The following KCNN3 variants were observed in gnomAD, a reference collection of about 807,000 sequenced individuals.
KCNN3 encodes small conductance calcium-activated potassium channel protein 3.
In KCNN3, 16 loss-of-function variants were observed where a neutral mutation model predicts 62.9. The observed-to-expected ratio is 0.25, with a 90% CI of 0.17 to 0.39. KCNN3 has a LOEUF of 0.39. Ranked by LOEUF, KCNN3 falls within the 10% of genes least tolerant of loss-of-function variation. The pLI, the probability that KCNN3 is intolerant of heterozygous loss-of-function variation, is 1.00. For missense variants in KCNN3, 599 were observed against 949.4 expected (o/e 0.63, Z 4.85); for synonymous variants, 370 against 389.2 (o/e 0.95, Z 0.58).
chr1:154,845,761 C>T (rs890183878), intron 1 of KCNN3, among the ~76,000 whole-genome samples: 2 of 152,172 alleles, frequency 1.3e-5, no homozygotes, highest in East Asian at 1.9e-4. Context: ...TGTACACATG[C>T]GGAGCCTCCT....
intron 4 of KCNN3, among the ~76,000 whole-genome samples, chr1:154,730,956 G>A (rs899086617): frequency 3.9e-5 from 6 of 152,176 alleles, no homozygotes; most frequent in Admixed American, 3.3e-4. Context: ...GCTCAGCTGT[G>A]CCAGAGTAGA....
intron 1 of KCNN3, among the ~76,000 whole-genome samples, chr1:154,835,682 G>A (rs371660522): frequency 1.1e-4 from 16 of 152,220 alleles, no homozygotes; most frequent in Admixed American, 9.8e-4. Context: ...AGAGGAGGCT[G>A]TAACCATGGA....
At chr1:154,716,744 T>A (rs191357415) in intron 5 of KCNN3, among the ~76,000 whole-genome samples, 1 of 152,210 alleles carries the variant, frequency 6.6e-6, no homozygotes, top group African/African-American at 2.4e-5. Flanking sequence ...AGGAAGCAGG[T>A]TGTGGTGGAA....
At chr1:154,717,946 G>C (rs1002764790) in intron 5 of KCNN3, among the ~76,000 whole-genome samples, 7 of 152,154 alleles carry the variant, frequency 4.6e-5, no homozygotes, top group African/African-American at 1.7e-4. Context: ...GGGGTCGGGA[G>C]CACATGAGGT....
chr1:154,741,848 A>G (rs1422260305), intron 3 of KCNN3, among the ~76,000 whole-genome samples: 2 of 152,248 alleles, frequency 1.3e-5, no homozygotes, highest in Non-Finnish European at 2.9e-5. Flanking sequence ...AAAGCAGCCA[A>G]ATGGACTGCT....
At chr1:154,752,856 A>G (rs1647452028) in intron 3 of KCNN3, among the ~76,000 whole-genome samples, 1 of 152,148 alleles carries the variant, frequency 6.6e-6, no homozygotes, top group South Asian at 2.1e-4. Flanking sequence ...CATTCCTATG[A>G]GGACACTGCA....
chr1:154,853,274 C>A (rs1005470970), intron 1 of KCNN3, among the ~76,000 whole-genome samples: 7 of 152,154 alleles, frequency 4.6e-5, no homozygotes, highest in African/African-American at 1.7e-4. Context: ...TAGGCGTGAG[C>A]TACCATGCCT....
At chr1:154,734,907 G>A (rs1700678510) in intron 3 of KCNN3, among the ~76,000 whole-genome samples, 1 of 152,176 alleles carries the variant, frequency 6.6e-6, no homozygotes, top group South Asian at 2.1e-4. Context: ...ACATCAGAGA[G>A]GCAAAAGCGA....
intron 1 of KCNN3, among the ~76,000 whole-genome samples, chr1:154,865,399 C>T (rs1015361550): frequency 6.6e-6 from 1 of 152,052 alleles, no homozygotes; most frequent in Non-Finnish European, 1.5e-5. Context: ...TCACCTGGTA[C>T]CTTTAGGAGC....
At chr1:154,865,416 G>A (rs1395943240) in intron 1 of KCNN3, among the ~76,000 whole-genome samples, 2 of 151,996 alleles carry the variant, frequency 1.3e-5, no homozygotes, top group East Asian at 3.9e-4. Context: ...GAGCCCACTG[G>A]GGCCATCTCA....
chr1:154,838,569 C>T (rs1408469485), intron 1 of KCNN3, among the ~76,000 whole-genome samples: 1 of 152,178 alleles, frequency 6.6e-6, no homozygotes, highest in African/African-American at 2.4e-5. Context: ...TCAACCTTTC[C>T]ATGTGCTTGC....
chr1:154,817,914 A>G (rs1000888428), intron 2 of KCNN3, among the ~76,000 whole-genome samples: 1 of 152,160 alleles, frequency 6.6e-6, no homozygotes, highest in Non-Finnish European at 1.5e-5. Flanking sequence ...GGGGAGCAAG[A>G]GGAGTTCAGT....
At chr1:154,806,249 G>C (rs1362979653) in intron 2 of KCNN3, among the ~76,000 whole-genome samples, 1 of 152,176 alleles carries the variant, frequency 6.6e-6, no homozygotes, top group Non-Finnish European at 1.5e-5. Flanking sequence ...CAAGGTGTTG[G>C]GTACCCCACC....
intron 2 of KCNN3, among the ~76,000 whole-genome samples, chr1:154,819,155 T>C (rs1650788910): frequency 1.3e-5 from 2 of 152,192 alleles, no homozygotes; most frequent in Admixed American, 6.5e-5. Flanking sequence ...CCCCTCTGCA[T>C]AACTTCATCA....
In KCNN3 at chr1:154,700,471, T is replaced by G. The variant is rs1284579981; in HGVS notation, c.*7505A>C. On this transcript the variant is annotated 3_prime_UTR_variant, in exon 8 of 8. Transcript: ENST00000271915. ...GGGAAAGGTCAGAATATATTTGCTC[T>G]TTATAAATGTAAGTCTTGGTCTGAG... 1 of 152,234 alleles carries G rather than the reference T, an allele frequency of 6.6e-6. No individual in the cohort carries two copies. The highest frequency in any genetic ancestry group is 1.5e-5 in the Non-Finnish European group (1 of 68,034). The allele number at this position is 152,234 out of a possible 1,614,324, so 9.4% of individuals were successfully genotyped here. A position where few individuals can be genotyped will look rare whatever the true frequency, so the allele number is the denominator to read the frequency against.
intron 2 of KCNN3, among the ~76,000 whole-genome samples, chr1:154,778,289 T>C (rs1395121665): frequency 6.6e-6 from 1 of 152,230 alleles, no homozygotes; most frequent in African/African-American, 2.4e-5. Flanking sequence ...CTCAGTTCAA[T>C]ATAATAATTA....
At chr1:154,841,538 T>C (rs1284868301) in intron 1 of KCNN3, among the ~76,000 whole-genome samples, 3 of 152,120 alleles carry the variant, frequency 2.0e-5, no homozygotes, top group Non-Finnish European at 4.4e-5. Context: ...GTTTTATTAA[T>C]AAGGAGATTG....
At chr1:154,854,563 G>T (rs1164448218) in intron 1 of KCNN3, among the ~76,000 whole-genome samples, 2 of 152,232 alleles carry the variant, frequency 1.3e-5, no homozygotes, top group Admixed American at 6.5e-5. Flanking sequence ...TTACTATCAG[G>T]CTTATCTATT....
At chr1:154,851,304 C>G (rs182281532) in intron 1 of KCNN3, among the ~76,000 whole-genome samples, 1 of 152,120 alleles carries the variant, frequency 6.6e-6, no homozygotes, top group Non-Finnish European at 1.5e-5. Context: ...GCCAGCCATG[C>G]CTCGAACAGA....
Sources: gnomAD v4.1 joint callset for allele counts (sites outside exome capture counted in the v4.1 genomes callset) on GRCh38, gnomAD v4.1.1 for gene constraint, MANE v1.5 for transcripts, NCBI Gene and HGNC (gene_info 2026-07-23, HGNC 2026-07-21) for gene names.